The following TNFAIP8 variants were observed in gnomAD, a reference collection of about 807,000 sequenced individuals.
TNFAIP8 encodes the protein tumor necrosis factor alpha-induced protein 8.
In TNFAIP8, 7 loss-of-function variants were observed where a neutral mutation model predicts 13.3. That is an observed-to-expected ratio of 0.52 (90% CI 0.30 to 0.99). TNFAIP8 has a LOEUF of 0.99. TNFAIP8 is among the 50% of genes least tolerant of loss of function. TNFAIP8 has a pLI of 0.07. For synonymous variants in TNFAIP8, 94 were observed against 87.6 expected (o/e 1.07, Z -0.41); for missense variants, 258 against 236.9 (o/e 1.09, Z -0.58).
chr5:119,271,481 G>A (rs927523358), intron 1 of TNFAIP8, among the ~76,000 whole-genome samples: 33 of 152,184 alleles, frequency 2.2e-4, no homozygotes, highest in African/African-American at 6.8e-4. Context: ...CATGTAGAAT[G>A]GTCCATTCCT....
At chr5:119,392,413 CAG>C (rs1388934485) in intron 1 of TNFAIP8, among the ~76,000 whole-genome samples, 4 of 151,356 alleles carry the variant, frequency 2.6e-5, no homozygotes, top group African/African-American at 9.7e-5. Flanking sequence ...TGTTTTGAGA[CAG>C]AGTCTCGCTG....
chr5:119,363,722 G>A (rs536460656), intron 1 of TNFAIP8, among the ~76,000 whole-genome samples: 7 of 152,244 alleles, frequency 4.6e-5, no homozygotes, highest in South Asian at 2.1e-4. Flanking sequence ...TTGACTAGAC[G>A]TCCTATAATT....
intron 1 of TNFAIP8, among the ~76,000 whole-genome samples, chr5:119,270,585 C>CT (rs1484182799): frequency 6.6e-6 from 1 of 152,178 alleles, no homozygotes; most frequent in Non-Finnish European, 1.5e-5. Flanking sequence ...ACACAATTTG[C>CT]TTTTTTGCAG....
intron 1 of TNFAIP8, chr5:119,268,960 C>T: frequency 3.0e-6 from 2 of 672,288 alleles, no homozygotes; most frequent in Non-Finnish European, 5.4e-6. Flanking sequence ...GCGCCTCTCC[C>T]GCCGCTGGGC....
chr5:119,277,605 G>A (rs776381388), intron 1 of TNFAIP8, among the ~76,000 whole-genome samples: 4 of 152,182 alleles, frequency 2.6e-5, no homozygotes, highest in Non-Finnish European at 5.9e-5. Context: ...TAAACATTCT[G>A]TTTCCAAATG....
At position 119,398,307 on chromosome 5, in the gene TNFAIP8, A is replaced by T. The variant is rs1188978625; in HGVS notation, c.*4926A>T. On this transcript the variant is annotated 3_prime_UTR_variant, in exon 2 of 2. Coordinates refer to ENST00000504771, the MANE Select transcript of TNFAIP8 (RefSeq NM_014350.4). ...GACAATTTGATTTTTAAAAGTTTTG[A>T]TTTGTAGAATAATGTAAGACAATAT... 6.6e-6 allele frequency: 1 copy of T among 152,184 alleles called. No homozygotes were observed. The highest frequency in any genetic ancestry group is 2.1e-4 in the South Asian group (1 of 4,828). 9.4% of individuals were successfully genotyped at this position (152,184 alleles called of 1,614,324 possible).
At chr5:119,274,102 G>T (rs1437218983) in intron 1 of TNFAIP8, among the ~76,000 whole-genome samples, 2 of 152,152 alleles carry the variant, frequency 1.3e-5, no homozygotes, top group Admixed American at 6.5e-5. Flanking sequence ...AGATTGTGGT[G>T]TGTGCTATGT....
rs754930634 is a variant in TNFAIP8 at position 119,393,616 on chromosome 5, T to C, written c.*235T>C. On this transcript the variant is annotated 3_prime_UTR_variant, in exon 2 of 2. Transcript: ENST00000504771. The stretch of plus-strand genomic sequence containing the variant: ...CGGGTAACAGACCATGGGAGAGATA[T>C]GTGGTTGGGTAATGCAAATGTAGTT... 2.2e-5 allele frequency: 11 copies of C among 490,680 alleles called. No homozygotes were observed. Among genetic ancestry groups the C allele is most frequent in the Middle Eastern group, 5.5e-4 (1 of 1,822 alleles). 30.4% of individuals were successfully genotyped at this position (490,680 alleles called of 1,614,324 possible).
At chr5:119,286,668 A>G (rs1296235769) in intron 1 of TNFAIP8, among the ~76,000 whole-genome samples, 1 of 150,958 alleles carries the variant, frequency 6.6e-6, no homozygotes, top group African/African-American at 2.4e-5. Flanking sequence ...CAGAGCAGAC[A>G]GGGTATGGGC....
chr5:119,324,489 C>T (rs1750159103), intron 1 of TNFAIP8, among the ~76,000 whole-genome samples: 1 of 151,982 alleles, frequency 6.6e-6, no homozygotes, highest in Admixed American at 6.6e-5. Context: ...GAATGACACA[C>T]TTCCTGCCCC....
At chr5:119,365,727 G>T (rs1751825152) in intron 1 of TNFAIP8, among the ~76,000 whole-genome samples, 1 of 152,102 alleles carries the variant, frequency 6.6e-6, no homozygotes, top group Non-Finnish European at 1.5e-5. Flanking sequence ...ACCTTTCAAG[G>T]ATTAATATGA....
At chr5:119,359,969 C>A (rs982680894) in intron 1 of TNFAIP8, among the ~76,000 whole-genome samples, 2 of 152,188 alleles carry the variant, frequency 1.3e-5, no homozygotes, top group Admixed American at 6.5e-5. Context: ...AGTGGAAAAT[C>A]CATTTAGAGA....
chr5:119,390,328 C>G (rs1010479841), intron 1 of TNFAIP8, among the ~76,000 whole-genome samples: 8 of 151,770 alleles, frequency 5.3e-5, no homozygotes, highest in Admixed American at 5.3e-4. Flanking sequence ...TTTTTGAGGT[C>G]TATATCAGGA....
At chr5:119,379,315 G>A (rs145578144) in intron 1 of TNFAIP8, among the ~76,000 whole-genome samples, 13 of 152,284 alleles carry the variant, frequency 8.5e-5, no homozygotes, top group African/African-American at 2.9e-4. Flanking sequence ...AGATGAAAAG[G>A]CATGTACCTG....
chr5:119,281,773 T>C (rs1256474900), intron 1 of TNFAIP8, among the ~76,000 whole-genome samples: 5 of 152,232 alleles, frequency 3.3e-5, no homozygotes, highest in Non-Finnish European at 7.3e-5. Flanking sequence ...TCACTTGTCC[T>C]CATATCAGTG....
In TNFAIP8 at chr5:119,387,903, C is replaced by A. The variant is rs73790850; in HGVS notation, c.32-4913C>A. Among the ~76,000 whole-genome samples the A allele has an allele frequency of 2.5e-3, 375 of 152,040 alleles. 2 individuals carry two copies. The highest frequency in any genetic ancestry group is 8.8e-3 in the African/African-American group (364 of 41,444). ...ATTTTTTTTTAAATACAGCATTATT[C>A]TTCATTAATGAACAATTTACATGTC... is the stretch of plus-strand genomic sequence containing the variant. On this transcript the variant is annotated intron_variant, in intron 1 of 1. Coordinates refer to ENST00000504771, the MANE Select transcript of TNFAIP8 (RefSeq NM_014350.4).
chr5:119,300,847 A>G (rs1749368007), intron 1 of TNFAIP8, among the ~76,000 whole-genome samples: 1 of 152,134 alleles, frequency 6.6e-6, no homozygotes, highest in African/African-American at 2.4e-5. Flanking sequence ...TGCTTTCTTT[A>G]TGGAATCTAT....
chr5:119,371,830 G>A (rs994901568), intron 1 of TNFAIP8, among the ~76,000 whole-genome samples: 12 of 152,012 alleles, frequency 7.9e-5, no homozygotes, highest in East Asian at 3.9e-4. Context: ...GAGACCAGCC[G>A]GGGCAACATG....
In TNFAIP8 at chr5:119,364,483, G is replaced by T. The variant is rs143932930; in HGVS notation, c.31+8362G>T. ...CTACCTTACCCTGCCAAGTAGCTGG[G>T]ACTACAGGTGCATACCACCTGCCCA... On this transcript the variant is annotated intron_variant, in intron 1 of 1. Transcript: ENST00000504771. Among the ~76,000 whole-genome samples the T allele has an allele frequency of 4.4e-3, 669 of 152,064 alleles. 9 individuals are homozygous for T. The highest frequency in any genetic ancestry group is 0.041 in the South Asian group (195 of 4,810).
Sources: allele counts gnomAD v4.1 joint callset (sites outside exome capture counted in the v4.1 genomes callset), GRCh38; gene constraint gnomAD v4.1.1; transcripts MANE v1.5; gene names NCBI Gene and HGNC (gene_info 2026-07-23, HGNC 2026-07-21).